UGT1A6: variants seen among roughly 807,000 people sequenced by gnomAD.
The protein encoded by UGT1A6 is UDP glucuronosyltransferase family 1 member A6.
Under a neutral mutation model 44.4 loss-of-function variants are expected in UGT1A6, and 32 were observed. The ratio of observed to expected loss-of-function variants is 0.72; its 90% CI spans 0.54 to 0.97. UGT1A6 has a LOEUF of 0.97. Among genes scored for constraint, UGT1A6 ranks in the 50% least tolerant of loss-of-function variants. The pLI, the probability that UGT1A6 is intolerant of heterozygous loss-of-function variation, is 0.00. For missense variants in UGT1A6, 685 were observed against 661.9 expected (o/e 1.03, Z -0.38); for synonymous variants, 238 against 248.5 (o/e 0.96, Z 0.40).
At chr2:233,761,999 A>C (rs1449541079) in intron 1 of UGT1A6, among the ~76,000 whole-genome samples, 1 of 152,130 alleles carries the variant, frequency 6.6e-6, no homozygotes, top group Non-Finnish European at 1.5e-5. Flanking sequence ...TATTTCCACT[A>C]TACCTCCAAT....
At chr2:233,694,252 G>A (rs1223545942) in intron 1 of UGT1A6, among the ~76,000 whole-genome samples, 1 of 151,942 alleles carries the variant, frequency 6.6e-6, no homozygotes, top group African/African-American at 2.4e-5. Context: ...CTTGAGCCAG[G>A]GACCAGCGAA....
In UGT1A6 at chr2:233,768,392, T is replaced by G. The variant is rs761552961; in HGVS notation, c.1254T>G (p.Thr418=). The G allele has an allele frequency of 1.2e-6, 2 of 1,614,156 alleles. No homozygotes were observed. Among genetic ancestry groups the G allele is most frequent in the Non-Finnish European group, 1.7e-6 (2 of 1,180,042 alleles). Residue 418 remains threonine, a synonymous_variant, in exon 4 of 5, where the codon ACT becomes ACG. Coordinates refer to ENST00000305139, the MANE Select transcript of UGT1A6 (RefSeq NM_001072.4). Reference sequence around the variant, plus strand: ...TGACCCTGAATGTTCTGGAAATGACTTCTGAAGATTTAGAAAATGCTCTAA... The same window carrying G: ...TGACCCTGAATGTTCTGGAAATGACGTCTGAAGATTTAGAAAATGCTCTAA... ...AGVTLNVLEM[T]SEDLENALKA...
At chr2:233,748,415 T>A (rs1693936731) in intron 1 of UGT1A6, among the ~76,000 whole-genome samples, 1 of 151,852 alleles carries the variant, frequency 6.6e-6, no homozygotes, top group Non-Finnish European at 1.5e-5. Context: ...ACATTGAGAC[T>A]TGACCCATCT....
At chr2:233,761,732 T>TC (rs1575783874) in intron 1 of UGT1A6, among the ~76,000 whole-genome samples, 1 of 152,336 alleles carries the variant, frequency 6.6e-6, no homozygotes, top group East Asian at 1.9e-4. Flanking sequence ...GGTTTATTTT[T>TC]CCCCTACAGA....
chr2:233,759,109 C>A (rs1697056507), intron 1 of UGT1A6, among the ~76,000 whole-genome samples: 1 of 152,128 alleles, frequency 6.6e-6, no homozygotes, highest in Admixed American at 6.5e-5. Flanking sequence ...GTTTGCAAAC[C>A]AGGGAGTTAC....
At chr2:233,754,192 G>A (rs1695415440) in intron 1 of UGT1A6, 1 of 162,150 alleles carries the variant, frequency 6.2e-6, no homozygotes. Flanking sequence ...CCACCACACA[G>A]TAAAACATTG....
rs766536479 is a variant in UGT1A6 at position 233,760,908 on chromosome 2, G to GCAGC, written c.862-6125_862-6122dup. ...CTCATTCAGATCACATGACCTTCCT[G>GCAGC]CAGCGGGTGAAGAACATGCTCATTG... is the stretch of plus-strand genomic sequence containing the variant. On this transcript the variant is annotated intron_variant, in intron 1 of 4. Coordinates refer to ENST00000305139, the MANE Select transcript of UGT1A6 (RefSeq NM_001072.4). 8 of 1,614,152 alleles carry GCAGC rather than the reference G, an allele frequency of 5.0e-6. No individual in the cohort carries two copies. The South Asian group carries it at 8.8e-5, about 18-fold the overall frequency.
In UGT1A6 at chr2:233,772,505, A is replaced by T. The variant is rs772037816; in HGVS notation, c.1545A>T (p.Lys515Asn). 13 of 1,614,204 alleles carry T rather than the reference A, an allele frequency of 8.1e-6. No individual in the cohort carries two copies. Among genetic ancestry groups the T allele is most frequent in the South Asian group, 1.1e-5 (1 of 91,082 alleles). ...TFKCCAYGYR[K>N]CLGKKGRVKK... is the part of the protein sequence containing the mutation. ...AATGTTGTGCTTATGGCTACCGGAA[A>T]TGCTTGGGGAAAAAAGGGCGAGTTA... The change falls in exon 5 of 5, where the codon AAA (lysine) becomes AAT (asparagine). Residue 515 changes from lysine (K) to asparagine (N), a missense_variant. Transcript: ENST00000305139.
chr2:233,744,294 C>T (rs1692766749), intron 1 of UGT1A6, among the ~76,000 whole-genome samples: 1 of 151,800 alleles, frequency 6.6e-6, no homozygotes, highest in Admixed American at 6.5e-5. Context: ...TCTTTTTCCT[C>T]GGCCACAGGA....
At position 233,767,094 on chromosome 2, in the gene UGT1A6, T is replaced by C; in HGVS notation, c.922T>C (p.Ser308Pro). The change falls in exon 2 of 5, where the codon TCA (serine) becomes CCA (proline). Residue 308 changes from serine (S) to proline (P), a missense_variant. Ser to Pro is a moderately conservative substitution (Grantham distance 74). Transcript: ENST00000305139. ...EHGIVVFSLG[S>P]MVSEIPEKKA... is the part of the protein sequence containing the mutation. The stretch of plus-strand genomic sequence containing the variant: ...TGGAATTGTGGTTTTCTCTTTGGGA[T>C]CAATGGTCTCAGAAATTCCAGAGAA... The C allele has an allele frequency of 1.2e-6, 2 of 1,614,120 alleles. No individual in the cohort carries two copies. The highest frequency in any genetic ancestry group is 1.7e-6 in the Non-Finnish European group (2 of 1,180,014).
rs1700539683 is a variant in UGT1A6 at position 233,772,631 on chromosome 2, T to C, written c.*72T>C. ...TTTCCAAACTTGAAAACAGAATCAG[T>C]GTTAAATTCATTTTATTCTTATTAA... On this transcript the variant is annotated 3_prime_UTR_variant, in exon 5 of 5. Coordinates refer to ENST00000305139, the MANE Select transcript of UGT1A6 (RefSeq NM_001072.4). 1.2e-5 allele frequency: 19 copies of C among 1,558,348 alleles called. No individual in the cohort carries two copies. The South Asian group carries it at 2.2e-4, about 18-fold the overall frequency.
At position 233,693,547 on chromosome 2, in the gene UGT1A6, A is replaced by G. The variant is rs765072328; in HGVS notation, c.543A>G (p.Thr181=). ...GTTTTCCGTGTTCCCTGGAGCATAC[A>G]TTCAGCAGAAGCCCAGACCCTGTGT... ...FRGFPCSLEH[T]FSRSPDPVSY... The change falls in exon 1 of 5, where the codon ACA becomes ACG. Residue 181 remains threonine (T), a synonymous_variant. Coordinates refer to ENST00000305139, the MANE Select transcript of UGT1A6 (RefSeq NM_001072.4). 1 of 1,614,164 alleles carries G rather than the reference A, an allele frequency of 6.2e-7. No homozygotes were observed. The highest frequency in any genetic ancestry group is 2.2e-5 in the East Asian group (1 of 44,890).
intron 1 of UGT1A6, among the ~76,000 whole-genome samples, chr2:233,748,306 G>A (rs1220013639): frequency 1.3e-5 from 2 of 151,694 alleles, no homozygotes; most frequent in Non-Finnish European, 2.9e-5. Context: ...TTTATCAAAG[G>A]ATGGACTAGG....
At chr2:233,692,803 T>C (rs776646803), upstream of UGT1A6, 33 of 1,389,660 alleles carry the variant, frequency 2.4e-5, no homozygotes, top group Non-Finnish European at 2.5e-5. Flanking sequence ...GACACGGCCA[T>C]AGTTGGTTCA....
In UGT1A6 at chr2:233,772,937, T is replaced by C; in HGVS notation, c.*378T>C. 1 of 341,386 alleles carries C rather than the reference T, an allele frequency of 2.9e-6. No homozygotes were observed. The highest frequency in any genetic ancestry group is 5.4e-6 in the Non-Finnish European group (1 of 186,324). 21.1% of individuals were successfully genotyped at this position (341,386 alleles called of 1,614,324 possible). A position where few individuals can be genotyped will look rare whatever the true frequency, so the allele number is the denominator to read the frequency against. ...CAAATGGCAGTTTTAATCTTATCTT[T>C]TGGCTTCTGCAGATGGTTGCAATTG... On this transcript the variant is annotated 3_prime_UTR_variant, in exon 5 of 5. Coordinates refer to ENST00000305139, the MANE Select transcript of UGT1A6 (RefSeq NM_001072.4).
chr2:233,726,841 G>A (rs1173515179), intron 1 of UGT1A6, among the ~76,000 whole-genome samples: 1 of 152,112 alleles, frequency 6.6e-6, no homozygotes, highest in African/African-American at 2.4e-5. Flanking sequence ...TTTAATTTTT[G>A]TTCCTTTTCT....
chr2:233,758,823 C>T (rs1559405168), intron 1 of UGT1A6, among the ~76,000 whole-genome samples: 1 of 152,154 alleles, frequency 6.6e-6, no homozygotes, highest in African/African-American at 2.4e-5. Flanking sequence ...GTATATCCCC[C>T]CCAAAAAGAG....
chr2:233,730,749 A>G (rs1471085496), intron 1 of UGT1A6, among the ~76,000 whole-genome samples: 3 of 152,116 alleles, frequency 2.0e-5, no homozygotes, highest in Non-Finnish European at 2.9e-5. Context: ...TAGGGAGGAG[A>G]TAAGACTGTG....
At chr2:233,715,882 C>G (rs576558461) in intron 1 of UGT1A6, among the ~76,000 whole-genome samples, 42 of 152,296 alleles carry the variant, frequency 2.8e-4, no homozygotes, top group African/African-American at 9.9e-4. Flanking sequence ...CCTGTGGCCC[C>G]AGCTACTTGG....
Sources: allele counts gnomAD v4.1 joint callset (sites outside exome capture counted in the v4.1 genomes callset), GRCh38; gene constraint gnomAD v4.1.1; transcripts MANE v1.5; gene names NCBI Gene and HGNC (gene_info 2026-07-23, HGNC 2026-07-21).